Variants in FAT3 observed in about 807,000 individuals in gnomAD.
FAT3 encodes FAT atypical cadherin 3.
A neutral mutation model predicts 310.2 loss-of-function variants in FAT3; 95 were observed. That is an observed-to-expected ratio of 0.31 (90% CI 0.26 to 0.36). The LOEUF is 0.36. Ranked by LOEUF, FAT3 falls within the 10% of genes least tolerant of loss-of-function variation. The pLI is 1.00. For missense variants in FAT3, 5,408 were observed against 5,715.6 expected (o/e 0.95, Z 1.74); for synonymous variants, 2,314 against 2,192.9 (o/e 1.06, Z -1.54).
intron 2 of FAT3, among the ~76,000 whole-genome samples, chr11:92,521,533 T>C (rs879072120): frequency 6.6e-6 from 1 of 152,122 alleles, no homozygotes; most frequent in African/African-American, 2.4e-5. Context: ...ACACACGCAT[T>C]TTGCCAAACT....
intron 6 of FAT3, among the ~76,000 whole-genome samples, chr11:92,767,640 G>C (rs1189927866): frequency 6.6e-6 from 1 of 152,126 alleles, no homozygotes; most frequent in East Asian, 1.9e-4. Context: ...GTGTGTGACT[G>C]TCTGTAGGTA....
chr11:92,237,685 A>G (rs148400928), intron 1 of FAT3, among the ~76,000 whole-genome samples: 1 of 152,244 alleles, frequency 6.6e-6, no homozygotes, highest in Non-Finnish European at 1.5e-5. Context: ...GTGTATTCAC[A>G]CACACTTTCT....
At chr11:92,556,864 T>C (rs1955039799) in intron 3 of FAT3, among the ~76,000 whole-genome samples, 1 of 152,050 alleles carries the variant, frequency 6.6e-6, no homozygotes, top group African/African-American at 2.4e-5. Flanking sequence ...CACCCTAAAA[T>C]GTAACGTACC....
At chr11:92,804,699 T>G (rs1379993983) in intron 10 of FAT3, among the ~76,000 whole-genome samples, 1 of 152,192 alleles carries the variant, frequency 6.6e-6, no homozygotes, top group East Asian at 1.9e-4. Flanking sequence ...TGATAAAGGC[T>G]TCATTAAAAG....
chr11:92,680,124 A>G (rs1264065881), intron 3 of FAT3, among the ~76,000 whole-genome samples: 1 of 148,236 alleles, frequency 6.7e-6, no homozygotes, highest in Admixed American at 6.7e-5. Flanking sequence ...TCATTTTTCT[A>G]TTTTTGGTTT....
chr11:92,596,037 A>C (rs1330899441), intron 3 of FAT3, among the ~76,000 whole-genome samples: 2 of 152,218 alleles, frequency 1.3e-5, no homozygotes, highest in African/African-American at 4.8e-5. Context: ...AGTTGGATCA[A>C]GAAAGTTTAT....
At chr11:92,248,154 A>G (rs1864998546) in intron 1 of FAT3, among the ~76,000 whole-genome samples, 1 of 152,126 alleles carries the variant, frequency 6.6e-6, no homozygotes, top group Non-Finnish European at 1.5e-5. Flanking sequence ...CCTCAGTCTT[A>G]CTATGCAAAC....
chr11:92,759,478 T>C (rs1406990117), intron 4 of FAT3, among the ~76,000 whole-genome samples: 1 of 151,990 alleles, frequency 6.6e-6, no homozygotes. Flanking sequence ...GTCTGTGGGG[T>C]CAGAGAAGGT....
At chr11:92,231,046 A>G (rs1451396124) in intron 1 of FAT3, among the ~76,000 whole-genome samples, 1 of 152,180 alleles carries the variant, frequency 6.6e-6, no homozygotes. Context: ...AATGTTAGTT[A>G]ATATTTTGAG....
chr11:92,473,878 G>A (rs1951975696), intron 2 of FAT3, among the ~76,000 whole-genome samples: 1 of 152,194 alleles, frequency 6.6e-6, no homozygotes. Context: ...TGGGCCTTAT[G>A]TGTGGAAAGA....
At position 92,844,379 on chromosome 11, in the gene FAT3, G is replaced by A. The variant is rs535363004; in HGVS notation, c.11012G>A (p.Arg3671His). The change falls in exon 19 of 28, where the codon CGC becomes CAC. Residue 3671 changes from arginine (R) to histidine (H), a missense_variant. By Grantham distance (29) the Arg-to-His change is conservative. Transcript: ENST00000525166. Reference protein sequence around the residue: ...FVGLHMHGFRRTLRNAVLTQK... With the variant: ...FVGLHMHGFRHTLRNAVLTQK... Reference sequence around the variant, plus strand: ...GGGCTGCACATGCATGGGTTCCGGCGCACCCTGCGGAATGCAGTCCTCACC... The same window carrying A: ...GGGCTGCACATGCATGGGTTCCGGCACACCCTGCGGAATGCAGTCCTCACC... The A allele has an allele frequency of 1.3e-5, 21 of 1,613,880 alleles. No individual in the cohort carries two copies. Among genetic ancestry groups the A allele is most frequent in the Middle Eastern group, 1.6e-4 (1 of 6,062 alleles).
At position 92,408,814 on chromosome 11, in the gene FAT3, C is replaced by T. The variant is rs548304012; in HGVS notation, c.3292+53410C>T. Among the ~76,000 whole-genome samples, 27 of 152,182 alleles carry T rather than the reference C, an allele frequency of 1.8e-4. No homozygotes were observed. In the South Asian group the frequency reaches 3.5e-3, roughly 20 times the overall value. On this transcript the variant is annotated intron_variant, in intron 2 of 27. Transcript: ENST00000525166. ...AGCATATGAACTCCTATGGAAATTA[C>T]GGCATAGCGATGCAAAGGAAGGCAT... is the stretch of plus-strand genomic sequence containing the variant.
Position 92,857,248 on chromosome 11 carries a change from G to A in FAT3, c.11400G>A (p.Val3800=), listed in dbSNP as rs1228815658. The change falls in exon 20 of 28, where the codon GTG becomes GTA. Residue 3800 remains valine (V), a synonymous_variant. Transcript: ENST00000525166. ...GLCPGSNDPC[V]EKPCPGDMQC... ...GTCCGGGGTCCAACGATCCTTGTGT[G>A]GAGAAGCCGTGTCCAGGGGACATGC... is the stretch of plus-strand genomic sequence containing the variant. 12 of 1,613,878 alleles carry A rather than the reference G, an allele frequency of 7.4e-6. No individual in the cohort carries two copies. The highest frequency in any genetic ancestry group is 1.0e-5 in the Non-Finnish European group (12 of 1,179,898).
At chr11:92,662,920 A>ATTCC (rs1942836365) in intron 3 of FAT3, among the ~76,000 whole-genome samples, 1 of 152,326 alleles carries the variant, frequency 6.6e-6, no homozygotes, top group Admixed American at 6.5e-5. Flanking sequence ...CCAAGGAGCC[A>ATTCC]TTCCACTCAG....
chr11:92,394,663 CA>C (rs1364170742), intron 2 of FAT3, among the ~76,000 whole-genome samples: 4 of 151,462 alleles, frequency 2.6e-5, no homozygotes, highest in African/African-American at 7.3e-5. Context: ...AAAACTTTAT[CA>C]AAAAACTCTG....
intron 3 of FAT3, among the ~76,000 whole-genome samples, chr11:92,687,902 G>A (rs2135879081): frequency 6.6e-6 from 1 of 152,064 alleles, no homozygotes; most frequent in Non-Finnish European, 1.5e-5. Flanking sequence ...GCATGCCTCA[G>A]ATCTAAAGTC....
intron 3 of FAT3, among the ~76,000 whole-genome samples, chr11:92,664,331 G>T (rs922404253): frequency 2.0e-5 from 3 of 152,188 alleles, no homozygotes; most frequent in African/African-American, 7.2e-5. Context: ...GGTATGAGCT[G>T]CTTGAAGGCA....
At chr11:92,867,484 C>G (rs893479135) in intron 22 of FAT3, among the ~76,000 whole-genome samples, 18 of 152,210 alleles carry the variant, frequency 1.2e-4, no homozygotes, top group Admixed American at 5.2e-4. Context: ...ACTCCCCTGT[C>G]CAACCCCTGG....
chr11:92,820,840 T>C (rs1229608343), intron 13 of FAT3, among the ~76,000 whole-genome samples: 1 of 152,228 alleles, frequency 6.6e-6, no homozygotes, highest in Admixed American at 6.5e-5. Context: ...AGTATACTAA[T>C]GCAAGTTCAT....
Sources: allele counts gnomAD v4.1 joint callset (sites outside exome capture counted in the v4.1 genomes callset), GRCh38; gene constraint gnomAD v4.1.1; transcripts MANE v1.5; gene names NCBI Gene and HGNC (gene_info 2026-07-23, HGNC 2026-07-21).